The following SRCIN1 variants were observed in gnomAD, a reference collection of about 807,000 sequenced individuals.
The protein encoded by SRCIN1 is P130Cas-associated protein.
A neutral mutation model predicts 116.2 loss-of-function variants in SRCIN1; 50 were observed. The observed-to-expected ratio is 0.43, with a 90% CI of 0.34 to 0.54. SRCIN1 has a LOEUF of 0.54. Ranked by LOEUF, SRCIN1 falls within the 20% of genes least tolerant of loss-of-function variation. SRCIN1 has a pLI of 0.02. For synonymous variants in SRCIN1, 736 were observed against 750.0 expected, an observed-to-expected ratio of 0.98 and a Z score of 0.30; for missense variants, 1,446 against 1,672.0, an observed-to-expected ratio of 0.86 and a Z score of 2.36.
intron 11 of SRCIN1, among the ~76,000 whole-genome samples, chr17:38,553,514 C>T (rs949571202): frequency 2.7e-4 from 41 of 152,018 alleles, no homozygotes; most frequent in African/African-American, 9.7e-4. Context: ...GAGCACGTGC[C>T]CCCGGGGAGG....
intron 1 of SRCIN1, among the ~76,000 whole-genome samples, chr17:38,583,883 C>T (rs1014993753): frequency 1.3e-5 from 2 of 152,168 alleles, no homozygotes; most frequent in African/African-American, 4.8e-5. Context: ...AAAGACATTC[C>T]TGAGCAGCGA....
At position 38,560,093 on chromosome 17, in the gene SRCIN1, T is replaced by C; in HGVS notation, c.1798A>G (p.Lys600Glu). 1.3e-6 allele frequency: 2 copies of C among 1,551,688 alleles called. No individual in the cohort carries two copies. The highest frequency in any genetic ancestry group is 1.7e-6 in the Non-Finnish European group (2 of 1,147,590). Residue 600 changes from lysine to glutamate, a missense_variant, in exon 9 of 19, where the codon AAG becomes GAG. Lys to Glu is a moderately conservative substitution (Grantham distance 56). Coordinates refer to ENST00000617146, the MANE Select transcript of SRCIN1 (RefSeq NM_025248.3). Reference protein sequence around the residue: ...RGSEPETPSEKIEGSNGAATP... With the variant: ...RGSEPETPSEEIEGSNGAATP... ...GCTGCTCCATTGGAGCCTTCAATCT[T>C]CTCGCTGTGGCACAGGGAAAAAAGC...
chr17:38,566,838 G>A (rs76864075), intron 3 of SRCIN1, among the ~76,000 whole-genome samples: 1 of 147,484 alleles, frequency 6.8e-6, no homozygotes, highest in African/African-American at 2.5e-5. Context: ...GCATCCTCTC[G>A]TGTTTTGTTT....
At chr17:38,546,963 C>T (rs1905112788) in intron 17 of SRCIN1, among the ~76,000 whole-genome samples, 1 of 152,198 alleles carries the variant, frequency 6.6e-6, no homozygotes, top group Non-Finnish European at 1.5e-5. Flanking sequence ...GATTCCCAGA[C>T]CTTCCCCCTC....
intron 1 of SRCIN1, among the ~76,000 whole-genome samples, chr17:38,603,315 C>T (rs534491350): frequency 6.6e-6 from 1 of 151,860 alleles, no homozygotes; most frequent in African/African-American, 2.4e-5. Context: ...ACGCCTGGAA[C>T]CCAGCAGGGA....
At chr17:38,575,988 G>T (rs547829883) in intron 2 of SRCIN1, among the ~76,000 whole-genome samples, 1 of 152,306 alleles carries the variant, frequency 6.6e-6, no homozygotes, top group South Asian at 2.1e-4. Flanking sequence ...GTGGGGAAAC[G>T]AATGAGTGAA....
In SRCIN1 at chr17:38,563,022, A is replaced by T; in HGVS notation, c.741-102T>A. On this transcript the variant is annotated intron_variant, in intron 5 of 18. Transcript: ENST00000617146. The surrounding 1 kb of genome is among the most constrained non-coding windows in gnomAD (Gnocchi z 5.8). ...CTAGAGAAGAGGGGTGGCCAGAGGCACCGGGAGCCCCATCTCAGGCTGCCT... is the reference window on the plus strand; with the variant it reads ...CTAGAGAAGAGGGGTGGCCAGAGGCTCCGGGAGCCCCATCTCAGGCTGCCT... The T allele has an allele frequency of 9.8e-7, 1 of 1,021,394 alleles. No individual in the cohort carries two copies. Among genetic ancestry groups the T allele is most frequent in the East Asian group, 2.6e-5 (1 of 38,514 alleles). The allele number at this position is 1,021,394 out of a possible 1,614,324, so 63.3% of individuals were successfully genotyped here. A position where few individuals can be genotyped will look rare whatever the true frequency, so the allele number is the denominator to read the frequency against.
intron 1 of SRCIN1, among the ~76,000 whole-genome samples, chr17:38,586,650 G>A (rs1908128508): frequency 3.3e-5 from 5 of 152,226 alleles, no homozygotes; most frequent in Admixed American, 3.3e-4. Flanking sequence ...CTCCACAGAA[G>A]CTGGGCATCC....
At chr17:38,575,376 A>T (rs1000810398) in intron 2 of SRCIN1, among the ~76,000 whole-genome samples, 2 of 152,176 alleles carry the variant, frequency 1.3e-5, no homozygotes, top group African/African-American at 4.8e-5. Context: ...CAGCCTCCTG[A>T]GTAGCAAGGA....
In SRCIN1 at chr17:38,560,466, T is replaced by C. The variant is rs756336229; in HGVS notation, c.1701-41A>G. 19 of 1,525,902 alleles carry C rather than the reference T, an allele frequency of 1.2e-5. No individual in the cohort carries two copies. In the South Asian group the frequency reaches 1.6e-4, roughly 13 times the overall value. 94.5% of individuals were successfully genotyped at this position (1,525,902 alleles called of 1,614,324 possible). A position where few individuals can be genotyped will look rare whatever the true frequency, so the allele number is the denominator to read the frequency against. On this transcript the variant is annotated intron_variant, in intron 7 of 18. Coordinates refer to ENST00000617146, the MANE Select transcript of SRCIN1 (RefSeq NM_025248.3). ...GTCTGGGCAACCTCGCCTCTGAGCA[T>C]AGGGTCTCTCCTGCCCAGCCCCCCA...
At position 38,562,676 on chromosome 17, in the gene SRCIN1, CAG is replaced by C; in HGVS notation, c.834+149_834+150del. The C allele has an allele frequency of 1.5e-6, 1 of 686,462 alleles. No individual in the cohort carries two copies. The highest frequency in any genetic ancestry group is 2.4e-6 in the Non-Finnish European group (1 of 410,640). 42.5% of individuals were successfully genotyped at this position (686,462 alleles called of 1,614,324 possible). ...AGGCCCGGAATGGAGGGGAAAGTGG[CAG>C]GTGGGACAGGGGCTCTTCCCTAACC... On this transcript the variant is annotated intron_variant, in intron 6 of 18. Transcript: ENST00000617146. This position sits in a 1 kb window ranked among gnomAD's most constrained non-coding sequence, Gnocchi z 4.2.
Position 38,531,760 on chromosome 17 carries a change from C to T in SRCIN1, c.*1537G>A, listed in dbSNP as rs1204517277. On this transcript the variant is annotated 3_prime_UTR_variant, in exon 19 of 19. Coordinates refer to ENST00000617146, the MANE Select transcript of SRCIN1 (RefSeq NM_025248.3). The stretch of plus-strand genomic sequence containing the variant: ...CTCCCCCCAAACCTTCAACAGCTCC[C>T]AGCTCTCCCCAGGTGCGGACCTTCC... The T allele has an allele frequency of 6.6e-6, 1 of 152,532 alleles. No homozygotes were observed. The highest frequency in any genetic ancestry group is 2.4e-5 in the African/African-American group (1 of 41,392). The allele number at this position is 152,532 out of a possible 1,614,324, so 9.4% of individuals were successfully genotyped here.
chr17:38,582,014 T>G (rs1390897619), intron 1 of SRCIN1, among the ~76,000 whole-genome samples: 1 of 152,188 alleles, frequency 6.6e-6, no homozygotes, highest in East Asian at 1.9e-4. Flanking sequence ...GCCTTGTGGA[T>G]TCTGCCGTGG....
chr17:38,597,352 G>C (rs1184462741), intron 1 of SRCIN1, among the ~76,000 whole-genome samples: 1 of 152,228 alleles, frequency 6.6e-6, no homozygotes, highest in African/African-American at 2.4e-5. Context: ...GCTGAGGTGA[G>C]GATCTGGGTT....
chr17:38,551,184 C>CG lies in SRCIN1; in HGVS notation c.2932dup (p.Arg978ProfsTer12). 1 of 1,580,986 alleles carries CG rather than the reference C, an allele frequency of 6.3e-7. No individual in the cohort carries two copies. The highest frequency in any genetic ancestry group is 8.6e-7 in the Non-Finnish European group (1 of 1,158,900). On this transcript the variant is annotated frameshift_variant, in exon 15 of 19. Transcript: ENST00000617146. LOFTEE classifies it high-confidence loss of function. ...GCCCCTCCTCCCACTGGGCTCCGTT[C>CG]GGGGGGCTGCCTTCTGGCCGTGGGG...
chr17:38,548,482 A>C (rs1905193721), intron 17 of SRCIN1, 75 bp downstream of exon 17: 4 of 1,573,190 alleles, frequency 2.5e-6, no homozygotes, highest in Non-Finnish European at 3.5e-6. Context: ...TCATCCTGTC[A>C]CCTGGCCTGG....
In SRCIN1 at chr17:38,578,581, C is replaced by T. The variant is rs1237589790; in HGVS notation, c.233G>A (p.Arg78His). 1.7e-5 allele frequency: 27 copies of T among 1,612,056 alleles called. No homozygotes were observed. The highest frequency in any genetic ancestry group is 2.3e-5 in the Non-Finnish European group (27 of 1,179,000). Residue 78 changes from arginine to histidine, a missense_variant, in exon 2 of 19, where the codon CGC (arginine) becomes CAC (histidine). Arg to His is a conservative substitution (Grantham distance 29). This residue lies in a region of SRCIN1 where 246 missense variants were observed against 265.1 expected (regional missense o/e 0.93). Transcript: ENST00000617146. ...GTGGTCCATGAAGGCATCACGCTTGCGGTCGGCGTCCGCCTTCTGGAGCCC... is the reference window on the plus strand; with the variant it reads ...GTGGTCCATGAAGGCATCACGCTTGTGGTCGGCGTCCGCCTTCTGGAGCCC... The part of the protein sequence containing the change: ...LSGLQKADAD[R>H]KRDAFMDHLK...
In SRCIN1 at chr17:38,604,316, C is replaced by T. The variant is rs1025834403; in HGVS notation, c.22+1368G>A. Among the ~76,000 whole-genome samples the T allele has an allele frequency of 6.6e-6, 1 of 152,170 alleles. No individual in the cohort carries two copies. Among genetic ancestry groups the T allele is most frequent in the Non-Finnish European group, 1.5e-5 (1 of 68,036 alleles). On this transcript the variant is annotated intron_variant, in intron 1 of 18. Transcript: ENST00000617146. This position sits in a 1 kb window ranked among gnomAD's most constrained non-coding sequence, Gnocchi z 4.3. ...CCTTCCCCAAAACAGACAGCAGCTC[C>T]TCCATCTCCTTTTGAAAGGCTGCTG...
Position 38,558,523 on chromosome 17 carries a change from G to C in SRCIN1, c.2026-121C>G, listed in dbSNP as rs1191325246. On this transcript the variant is annotated intron_variant, in intron 10 of 18. Transcript: ENST00000617146. This position sits in a 1 kb window ranked among gnomAD's most constrained non-coding sequence, Gnocchi z 4.6. ...CAGGGCGGGGCTCTGCAGAAGAAGCGGCTGCTTGGCTCCGCCTCAGGCAGC... is the reference window on the plus strand; with the variant it reads ...CAGGGCGGGGCTCTGCAGAAGAAGCCGCTGCTTGGCTCCGCCTCAGGCAGC... 1 of 1,202,946 alleles carries C rather than the reference G, an allele frequency of 8.3e-7. No homozygotes were observed. The highest frequency in any genetic ancestry group is 1.1e-6 in the Non-Finnish European group (1 of 884,492). 74.5% of individuals were successfully genotyped at this position (1,202,946 alleles called of 1,614,324 possible). A position where few individuals can be genotyped will look rare whatever the true frequency, so the allele number is the denominator to read the frequency against.
Sources: gnomAD v4.1 joint callset for allele counts (sites outside exome capture counted in the v4.1 genomes callset) on GRCh38, gnomAD v4.1.1 for gene constraint, gnomAD v4.1.1 regional missense constraint, Gnocchi (gnomAD v3.1) non-coding constraint, MANE v1.5 for transcripts, NCBI Gene and HGNC (gene_info 2026-07-23, HGNC 2026-07-21) for gene names.